Variants in CNTNAP5 observed in about 807,000 individuals in gnomAD.
CNTNAP5 encodes the protein contactin associated protein family member 5, also known as contactin-associated protein-like 5.
A neutral mutation model predicts 150.2 loss-of-function variants in CNTNAP5; 72 were observed. The ratio of observed to expected loss-of-function variants is 0.48; its 90% CI spans 0.40 to 0.58. The LOEUF (loss-of-function observed/expected upper bound fraction) is 0.58. Ranked by LOEUF, CNTNAP5 falls within the 20% of genes least tolerant of loss-of-function variation. The probability of loss-of-function intolerance (pLI) is 0.00; values close to 1 mark genes in which losing one functional copy is unlikely to be tolerated. For synonymous variants in CNTNAP5, 672 were observed against 619.8 expected, an observed-to-expected ratio of 1.08 and a Z score of -1.25; for missense variants, 1,636 against 1,626.2, an observed-to-expected ratio of 1.01 and a Z score of -0.10.
At chr2:124,259,840 C>T (rs1346678818) in intron 3 of CNTNAP5, among the ~76,000 whole-genome samples, 3 of 152,122 alleles carry the variant, frequency 2.0e-5, no homozygotes, top group Admixed American at 1.3e-4. Context: ...AGGAGAACTA[C>T]AAACCACTGC....
At chr2:124,309,571 T>A (rs889878009) in intron 3 of CNTNAP5, among the ~76,000 whole-genome samples, 2 of 152,158 alleles carry the variant, frequency 1.3e-5, no homozygotes, top group Admixed American at 6.5e-5. Flanking sequence ...TTAATAAATA[T>A]GGAGGGAATA....
At chr2:124,476,424 G>A (rs1693642328) in intron 7 of CNTNAP5, among the ~76,000 whole-genome samples, 1 of 152,068 alleles carries the variant, frequency 6.6e-6, no homozygotes, top group South Asian at 2.1e-4. Context: ...CATGTGATCT[G>A]CAGTGACATC....
chr2:124,691,519 A>T (rs1679300131), intron 13 of CNTNAP5, among the ~76,000 whole-genome samples: 1 of 151,954 alleles, frequency 6.6e-6, no homozygotes, highest in Admixed American at 6.6e-5. Flanking sequence ...TCATTTAGGG[A>T]TATCGTTTTC....
chr2:124,612,754 C>T (rs544740826), intron 12 of CNTNAP5, among the ~76,000 whole-genome samples: 6 of 152,066 alleles, frequency 3.9e-5, no homozygotes. Flanking sequence ...TTTAAAATAC[C>T]TGCAAAAATA....
intron 6 of CNTNAP5, among the ~76,000 whole-genome samples, chr2:124,455,024 A>G (rs1439779316): frequency 1.3e-5 from 2 of 152,164 alleles, no homozygotes; most frequent in African/African-American, 4.8e-5. Context: ...AATCCAGCAG[A>G]AGAAAGGAAA....
At position 124,324,937 on chromosome 2, in the gene CNTNAP5, G is replaced by C. The variant is rs146547963; in HGVS notation, c.381+82544G>C. On this transcript the variant is annotated intron_variant, in intron 3 of 23. Transcript: ENST00000682447. ...GACATAAGCACACGGTTTGTGAAAT[G>C]CTCTTTTATTCTAGCTCTAAGTAGA... Among the ~76,000 whole-genome samples, 664 of 152,306 alleles carry C rather than the reference G, an allele frequency of 4.4e-3. 10 individuals are homozygous for C. Among genetic ancestry groups the C allele is most frequent in the African/African-American group, 0.015 (634 of 41,578 alleles).
chr2:124,768,005 A>G (rs918824344), intron 16 of CNTNAP5, among the ~76,000 whole-genome samples: 2 of 152,120 alleles, frequency 1.3e-5, no homozygotes, highest in East Asian at 1.9e-4. Context: ...GAACGTATAC[A>G]TTGCAGATTG....
At chr2:124,421,004 A>G (rs751299806) in intron 4 of CNTNAP5, among the ~76,000 whole-genome samples, 30 of 152,242 alleles carry the variant, frequency 2.0e-4, no homozygotes, top group Non-Finnish European at 4.3e-4. Context: ...AGCTCTCAGC[A>G]GTACTTGATT....
At chr2:124,082,059 C>T (rs1682569941) in intron 1 of CNTNAP5, among the ~76,000 whole-genome samples, 1 of 152,110 alleles carries the variant, frequency 6.6e-6, no homozygotes, top group African/African-American at 2.4e-5. Flanking sequence ...TATAAAAGGA[C>T]TCACACAGGG....
intron 10 of CNTNAP5, among the ~76,000 whole-genome samples, chr2:124,535,529 C>A (rs1249318338): frequency 6.8e-6 from 1 of 147,192 alleles, no homozygotes; most frequent in East Asian, 2.0e-4. Context: ...TTTGGGAGGC[C>A]AAGAAGGGCG....
At chr2:124,171,084 T>C (rs1368812910) in intron 1 of CNTNAP5, among the ~76,000 whole-genome samples, 1 of 152,214 alleles carries the variant, frequency 6.6e-6, no homozygotes, top group Non-Finnish European at 1.5e-5. Context: ...AACAACCCCA[T>C]ATGGCTGTCA....
chr2:124,046,363 G>T (rs1400969049), intron 1 of CNTNAP5, among the ~76,000 whole-genome samples: 1 of 147,594 alleles, frequency 6.8e-6, no homozygotes, highest in East Asian at 2.0e-4. Flanking sequence ...TACAGATTTT[G>T]AAGAAATTAC....
chr2:124,283,295 A>G (rs922084275), intron 3 of CNTNAP5, among the ~76,000 whole-genome samples: 13 of 151,944 alleles, frequency 8.6e-5, no homozygotes, highest in African/African-American at 3.2e-4. Flanking sequence ...ACTGCTCCTC[A>G]GGACACACCA....
chr2:124,755,720 TTCCATC>T (rs1164798483), intron 14 of CNTNAP5, among the ~76,000 whole-genome samples: 3 of 152,210 alleles, frequency 2.0e-5, no homozygotes, highest in African/African-American at 7.2e-5. Context: ...GGAGAAATAA[TTCCATC>T]TCCTTTGCAC....
intron 19 of CNTNAP5, among the ~76,000 whole-genome samples, chr2:124,828,242 G>A (rs1359152117): frequency 6.6e-6 from 1 of 152,150 alleles, no homozygotes; most frequent in African/African-American, 2.4e-5. Context: ...AGCACTTTGC[G>A]AGGCCGAGAC....
At chr2:124,115,231 C>A (rs569202013) in intron 1 of CNTNAP5, among the ~76,000 whole-genome samples, 2 of 152,048 alleles carry the variant, frequency 1.3e-5, no homozygotes, top group Non-Finnish European at 1.5e-5. Context: ...AAAATGAACA[C>A]CCTTTCATAA....
chr2:124,057,619 T>C (rs1345295007), intron 1 of CNTNAP5, among the ~76,000 whole-genome samples: 1 of 151,798 alleles, frequency 6.6e-6, no homozygotes, highest in African/African-American at 2.4e-5. Context: ...CATAGATATA[T>C]TACTTCTTAC....
chr2:124,488,768 G>A (rs551431450), intron 7 of CNTNAP5, among the ~76,000 whole-genome samples: 1 of 152,292 alleles, frequency 6.6e-6, no homozygotes, highest in Admixed American at 6.5e-5. Flanking sequence ...TCTGATGAAA[G>A]GTGAAGAAGA....
intron 17 of CNTNAP5, among the ~76,000 whole-genome samples, chr2:124,782,562 C>T (rs1388594921): frequency 2.0e-5 from 3 of 151,980 alleles, no homozygotes; most frequent in Non-Finnish European, 4.4e-5. Flanking sequence ...AATAAGTATC[C>T]CAGGACTGGG....
Sources: gnomAD v4.1 joint callset for allele counts (sites outside exome capture counted in the v4.1 genomes callset) on GRCh38, gnomAD v4.1.1 for gene constraint, MANE v1.5 for transcripts, NCBI Gene and HGNC (gene_info 2026-07-23, HGNC 2026-07-21) for gene names.